ARHGAP26: variants seen among roughly 807,000 people sequenced by gnomAD.
The protein encoded by ARHGAP26 is rho GTPase-activating protein 26.
A neutral mutation model predicts 104.8 loss-of-function variants in ARHGAP26; 38 were observed. That is an observed-to-expected ratio of 0.36 (90% CI 0.28 to 0.48). ARHGAP26 has a LOEUF of 0.48. Among genes scored for constraint, ARHGAP26 ranks in the 20% least tolerant of loss-of-function variants. ARHGAP26 has a pLI of 0.99. For synonymous variants in ARHGAP26, 341 were observed against 340.0 expected (o/e 1.00, Z -0.03); for missense variants, 704 against 947.9 (o/e 0.74, Z 3.38).
At chr5:143,218,909 T>TA (rs1413598752) in intron 22 of ARHGAP26, among the ~76,000 whole-genome samples, 5 of 152,260 alleles carry the variant, frequency 3.3e-5, no homozygotes, top group Non-Finnish European at 7.3e-5. Context: ...CAGCTATTAA[T>TA]ATTTAATTTT....
intron 1 of ARHGAP26, among the ~76,000 whole-genome samples, chr5:142,806,890 A>C (rs1019366376): frequency 6.6e-6 from 1 of 152,200 alleles, no homozygotes; most frequent in Non-Finnish European, 1.5e-5. Flanking sequence ...GTTGTTTTCT[A>C]TGGATATTCT....
At chr5:143,090,317 C>T (rs970391414) in intron 17 of ARHGAP26, among the ~76,000 whole-genome samples, 3 of 152,238 alleles carry the variant, frequency 2.0e-5, no homozygotes, top group Non-Finnish European at 4.4e-5. Flanking sequence ...GCCTGCTGTG[C>T]GCACAAGCAT....
chr5:142,827,868 A>G (rs1052989605), intron 1 of ARHGAP26, among the ~76,000 whole-genome samples: 2 of 152,242 alleles, frequency 1.3e-5, no homozygotes, highest in East Asian at 1.9e-4. Context: ...GTCAGCCGTT[A>G]CTAGCTAATG....
At chr5:142,885,099 C>T (rs1757523147) in intron 4 of ARHGAP26, among the ~76,000 whole-genome samples, 199 bp from the exon 5 acceptor site, 1 of 152,154 alleles carries the variant, frequency 6.6e-6, no homozygotes, top group African/African-American at 2.4e-5. Context: ...CTGGTCTTGT[C>T]CTGGTTGGTG....
chr5:142,810,418 A>G (rs1242006075), intron 1 of ARHGAP26, among the ~76,000 whole-genome samples: 1 of 152,070 alleles, frequency 6.6e-6, no homozygotes, highest in African/African-American at 2.4e-5. Context: ...CCCCAGGTCA[A>G]GTCCTGTTGT....
At chr5:142,801,489 T>C (rs1762065689) in intron 1 of ARHGAP26, among the ~76,000 whole-genome samples, 1 of 152,120 alleles carries the variant, frequency 6.6e-6, no homozygotes, top group South Asian at 2.1e-4. Context: ...GGATGCCCCT[T>C]TTTGGTAAAT....
intron 4 of ARHGAP26, among the ~76,000 whole-genome samples, chr5:142,882,768 G>A (rs1409123920): frequency 1.3e-5 from 2 of 152,180 alleles, no homozygotes; most frequent in Non-Finnish European, 2.9e-5. Flanking sequence ...AATCCTTTGA[G>A]GAGGGGGTGT....
chr5:143,186,280 T>C (rs1562573666), intron 20 of ARHGAP26, among the ~76,000 whole-genome samples: 1 of 152,190 alleles, frequency 6.6e-6, no homozygotes, highest in Non-Finnish European at 1.5e-5. Context: ...TTTAAGAACA[T>C]GGAGTCCAAG....
intron 20 of ARHGAP26, among the ~76,000 whole-genome samples, chr5:143,153,296 G>T (rs1321454531): frequency 5.9e-5 from 9 of 152,162 alleles, no homozygotes; most frequent in African/African-American, 9.7e-5. Flanking sequence ...GACATTGCCT[G>T]GCTGATGATA....
chr5:143,054,040 A>T (rs1294414137), intron 14 of ARHGAP26, among the ~76,000 whole-genome samples: 1 of 152,190 alleles, frequency 6.6e-6, no homozygotes, highest in African/African-American at 2.4e-5. Flanking sequence ...CTGCTTTTGC[A>T]AAGAAGAGTG....
intron 1 of ARHGAP26, 27 bp downstream of exon 1, chr5:142,770,942 G>T: frequency 6.3e-7 from 1 of 1,584,320 alleles, no homozygotes; most frequent in Non-Finnish European, 8.6e-7. Context: ...CCTCGGGGAC[G>T]CGGCTCCGGG....
chr5:143,190,029 G>A (rs898499743), intron 20 of ARHGAP26, among the ~76,000 whole-genome samples: 1 of 82,488 alleles, frequency 1.2e-5, no homozygotes, highest in Admixed American at 9.8e-5. Flanking sequence ...ACAGAAGGAG[G>A]GGGGGGAAAA....
In ARHGAP26 at chr5:142,879,448, G is replaced by A; in HGVS notation, c.384+3G>A. The A allele has an allele frequency of 1.2e-6, 2 of 1,609,462 alleles. No homozygotes were observed. The highest frequency in any genetic ancestry group is 1.7e-6 in the Non-Finnish European group (2 of 1,177,874). On this transcript the variant is annotated splice_donor_region_variant and intron_variant, in intron 4 of 22. Transcript: ENST00000645722. ...AGGAACAGATCGGGGCTGCCAAGGTGAGAATTTTGCAAGCTTTGGTCTGGA... is the reference window on the plus strand; with the variant it reads ...AGGAACAGATCGGGGCTGCCAAGGTAAGAATTTTGCAAGCTTTGGTCTGGA...
intron 1 of ARHGAP26, among the ~76,000 whole-genome samples, chr5:142,818,468 G>A (rs1202636420): frequency 6.6e-6 from 1 of 152,196 alleles, no homozygotes; most frequent in Non-Finnish European, 1.5e-5. Context: ...TGGCTGCACC[G>A]TCTGCTGTCA....
intron 11 of ARHGAP26, among the ~76,000 whole-genome samples, chr5:142,965,084 G>A (rs2152681950): frequency 6.6e-6 from 1 of 152,310 alleles, no homozygotes; most frequent in East Asian, 1.9e-4. Context: ...AGAGGAGACA[G>A]AGAGAAAGAC....
At chr5:143,166,799 C>T (rs1035435828) in intron 20 of ARHGAP26, among the ~76,000 whole-genome samples, 6 of 152,164 alleles carry the variant, frequency 3.9e-5, no homozygotes, top group Admixed American at 2.0e-4. Flanking sequence ...AGAGCACGTT[C>T]GAAGACTGCC....
intron 20 of ARHGAP26, among the ~76,000 whole-genome samples, chr5:143,200,252 T>G (rs113145359): frequency 7.1e-4 from 108 of 152,328 alleles, no homozygotes; most frequent in African/African-American, 2.5e-3. Context: ...GTAGAACCTT[T>G]CTGGAAAGCT....
At chr5:143,049,367 T>C (rs1292625849) in intron 14 of ARHGAP26, among the ~76,000 whole-genome samples, 2 of 152,188 alleles carry the variant, frequency 1.3e-5, no homozygotes, top group African/African-American at 2.4e-5. Context: ...TTTTAACTTT[T>C]TGTAATGGAT....
chr5:143,132,561 G>A (rs57615257), intron 18 of ARHGAP26, among the ~76,000 whole-genome samples: 3,238 of 152,036 alleles, frequency 0.021, 127 homozygotes, highest in African/African-American at 0.073. Flanking sequence ...AGGAAATACT[G>A]TATAATGTTA....
Sources: allele counts gnomAD v4.1 joint callset (sites outside exome capture counted in the v4.1 genomes callset), GRCh38; gene constraint gnomAD v4.1.1; transcripts MANE v1.5; gene names NCBI Gene and HGNC (gene_info 2026-07-23, HGNC 2026-07-21).